RAB10: variants seen among roughly 807,000 people sequenced by gnomAD.
RAB10 encodes RAB10, member RAS oncogene family, also known as ras-related protein Rab-10.
A neutral mutation model predicts 25.7 loss-of-function variants in RAB10; 5 were observed. The ratio of observed to expected loss-of-function variants is 0.19; its 90% confidence interval spans 0.10 to 0.41. The LOEUF (loss-of-function observed/expected upper bound fraction) is 0.41, where lower values mean the gene tolerates loss of function less well. RAB10 is among the 10% of genes least tolerant of loss of function. The pLI is 1.00. For synonymous variants in RAB10, 89 were observed against 86.4 expected (o/e 1.03, Z -0.16); for missense variants, 103 against 245.8 (o/e 0.42, Z 3.89).
chr2:26,053,622 G>A (rs942734225), intron 1 of RAB10, among the ~76,000 whole-genome samples: 2 of 152,184 alleles, frequency 1.3e-5, no homozygotes, highest in African/African-American at 4.8e-5. Flanking sequence ...TGCTTACAAA[G>A]TGGGAGTATT....
At chr2:26,057,128 G>A (rs1343141300) in intron 1 of RAB10, among the ~76,000 whole-genome samples, 2 of 152,254 alleles carry the variant, frequency 1.3e-5, no homozygotes, top group African/African-American at 4.8e-5. Flanking sequence ...CCTGTGACAT[G>A]TGCTTGTAGG....
At chr2:26,097,577 A>T (rs1474270787) in intron 1 of RAB10, among the ~76,000 whole-genome samples, 2 of 152,264 alleles carry the variant, frequency 1.3e-5, no homozygotes, top group East Asian at 3.9e-4. Flanking sequence ...CGTGCCTGGC[A>T]ACTTCAATAC....
At chr2:26,033,665 C>T (rs1665682196), upstream of RAB10, among the ~76,000 whole-genome samples, 1 of 152,248 alleles carries the variant, frequency 6.6e-6, no homozygotes, top group African/African-American at 2.4e-5. Context: ...CCAAGACCTC[C>T]AGCTCAACAC....
At chr2:26,106,850 A>C (rs549932649) in intron 2 of RAB10, among the ~76,000 whole-genome samples, 2 of 152,206 alleles carry the variant, frequency 1.3e-5, no homozygotes, top group African/African-American at 4.8e-5. Context: ...ACACCACTGC[A>C]CTCCAGCCTG....
intron 1 of RAB10, among the ~76,000 whole-genome samples, chr2:26,074,292 T>C (rs930887191): frequency 1.3e-5 from 2 of 152,210 alleles, no homozygotes; most frequent in African/African-American, 4.8e-5. Context: ...TAGAGATGAC[T>C]TAAAATATTT....
rs899319754 is a variant in RAB10 at position 26,135,132 on chromosome 2, T to C, written c.*111T>C. ...TAAACAGATATTTTTGTTTCTCATC[T>C]TAACTATCCAAGCCACCTATTTTAT... On this transcript the variant is annotated 3_prime_UTR_variant, in exon 6 of 6. Coordinates refer to ENST00000264710, the MANE Select transcript of RAB10 (RefSeq NM_016131.5). 5 of 776,516 alleles carry C rather than the reference T, an allele frequency of 6.4e-6. No homozygotes were observed. In the African/African-American group the frequency reaches 9.0e-5, roughly 14 times the overall value. 48.1% of individuals were successfully genotyped at this position (776,516 alleles called of 1,614,324 possible).
chr2:26,056,819 A>G (rs796544352), intron 1 of RAB10, among the ~76,000 whole-genome samples: 3 of 151,964 alleles, frequency 2.0e-5, no homozygotes, highest in African/African-American at 7.2e-5. Flanking sequence ...GTAGAGGCAG[A>G]GTTTTGCAGT....
intron 3 of RAB10, among the ~76,000 whole-genome samples, chr2:26,122,771 A>G (rs569658843): frequency 6.6e-6 from 1 of 152,312 alleles, no homozygotes; most frequent in South Asian, 2.1e-4. Flanking sequence ...TTTTAGAAAG[A>G]GGCTTGGCCT....
At position 26,137,420 on chromosome 2, in the gene RAB10, A is replaced by G. The variant is rs1336503048; in HGVS notation, c.*2399A>G. The G allele has an allele frequency of 4.6e-5, 7 of 152,642 alleles. No homozygotes were observed. The highest frequency in any genetic ancestry group is 7.3e-5 in the Non-Finnish European group (5 of 68,036). The allele number at this position is 152,642 out of a possible 1,614,324, so 9.5% of individuals were successfully genotyped here. On this transcript the variant is annotated 3_prime_UTR_variant, in exon 6 of 6. Coordinates refer to ENST00000264710, the MANE Select transcript of RAB10 (RefSeq NM_016131.5). ...AAACTGAAATATTTCTAGATGGTCT[A>G]CTTCTGTTCATATAAAAACAAAACT...
At chr2:26,130,092 C>T (rs145092398) in intron 5 of RAB10, among the ~76,000 whole-genome samples, 303 of 152,126 alleles carry the variant, frequency 2.0e-3, no homozygotes, top group African/African-American at 6.7e-3. Flanking sequence ...ATTCATTTAC[C>T]GACTATAGGC....
In RAB10 at chr2:26,034,255, C is replaced by T. The variant is rs959001505; in HGVS notation, c.-354C>T. On this transcript the variant is annotated 5_prime_UTR_variant, in exon 1 of 6. Coordinates refer to ENST00000264710, the MANE Select transcript of RAB10 (RefSeq NM_016131.5). ...TTCCGCTCGGGAGAGAGACTGTCCT[C>T]ACGCCCGCTGCGCCTCCTCGACGGC... 1.2e-4 allele frequency: 58 copies of T among 502,784 alleles called. No homozygotes were observed. Among genetic ancestry groups the T allele is most frequent in the African/African-American group, 1.0e-3 (53 of 51,744 alleles). 31.1% of individuals were successfully genotyped at this position (502,784 alleles called of 1,614,324 possible). A position where few individuals can be genotyped will look rare whatever the true frequency, so the allele number is the denominator to read the frequency against.
intron 3 of RAB10, among the ~76,000 whole-genome samples, chr2:26,121,355 A>G (rs1457330903): frequency 6.6e-6 from 1 of 151,996 alleles, no homozygotes; most frequent in Non-Finnish European, 1.5e-5. Context: ...ACACATGGAT[A>G]TTTTTGTTTA....
chr2:26,093,134 A>C (rs1056139606), intron 1 of RAB10, among the ~76,000 whole-genome samples: 2 of 152,138 alleles, frequency 1.3e-5, no homozygotes, highest in Non-Finnish European at 2.9e-5. Context: ...AATGAGATGC[A>C]GAGTAGAGCT....
At chr2:26,045,360 C>T (rs74484037) in intron 1 of RAB10, among the ~76,000 whole-genome samples, 28 of 152,074 alleles carry the variant, frequency 1.8e-4, no homozygotes, top group African/African-American at 6.8e-4. Context: ...CTGCCTCAGC[C>T]TCCTGAGTAG....
chr2:26,063,801 C>G lies in RAB10; in HGVS notation c.127+29066C>G, dbSNP rs575373084. ...GAATGTTTCACAATTTGTTTTCTCA[C>G]CATTTTTTTTGGAGAGACAAGAGTC... On this transcript the variant is annotated intron_variant, in intron 1 of 5. Transcript: ENST00000264710. 2.0e-5 allele frequency among the ~76,000 whole-genome samples: 3 copies of G among 152,146 alleles called. No homozygotes were observed. The East Asian group carries it at 5.8e-4, about 29-fold the overall frequency.
intron 1 of RAB10, among the ~76,000 whole-genome samples, chr2:26,045,018 G>C (rs1248752604): frequency 6.6e-6 from 1 of 150,646 alleles, no homozygotes. Flanking sequence ...GGAGGGGCAC[G>C]AATAGGTAAG....
intron 1 of RAB10, among the ~76,000 whole-genome samples, chr2:26,038,313 C>T (rs1178316486): frequency 6.6e-6 from 1 of 151,784 alleles, no homozygotes; most frequent in Non-Finnish European, 1.5e-5. Context: ...TCTCCTGCCT[C>T]AGCCTCCTGA....
intron 3 of RAB10, among the ~76,000 whole-genome samples, chr2:26,121,786 A>C (rs910239725): frequency 6.6e-6 from 1 of 152,214 alleles, no homozygotes; most frequent in African/African-American, 2.4e-5. Flanking sequence ...ATTAAATCAT[A>C]ATTGCATAAA....
intron 1 of RAB10, among the ~76,000 whole-genome samples, chr2:26,054,563 T>C (rs967945991): frequency 6.6e-6 from 1 of 152,198 alleles, no homozygotes; most frequent in Non-Finnish European, 1.5e-5. Flanking sequence ...ATATTCAGCA[T>C]AGTTAATAGG....
Sources: allele counts gnomAD v4.1 joint callset (sites outside exome capture counted in the v4.1 genomes callset), GRCh38; gene constraint gnomAD v4.1.1; transcripts MANE v1.5; gene names NCBI Gene and HGNC (gene_info 2026-07-23, HGNC 2026-07-21).